The following FHAD1 variants were observed in gnomAD, a reference collection of about 807,000 sequenced individuals.
FHAD1 encodes the protein forkhead-associated domain-containing protein 1.
FHAD1 carries 146 observed loss-of-function variants against 191.3 expected under a neutral mutation model. That is an observed-to-expected ratio of 0.76 (90% CI 0.67 to 0.88). The LOEUF (loss-of-function observed/expected upper bound fraction) is 0.88. FHAD1 is among the 40% of genes least tolerant of loss of function. The pLI is 0.00. For missense variants in FHAD1, 1,635 were observed against 1,785.8 expected, an observed-to-expected ratio of 0.92 and a Z score of 1.52; for synonymous variants, 616 against 672.3, an observed-to-expected ratio of 0.92 and a Z score of 1.29.
At chr1:15,301,581 G>A (rs987035724) in intron 6 of FHAD1, 140 bp downstream of exon 6, 2 of 683,812 alleles carry the variant, frequency 2.9e-6, no homozygotes, top group Non-Finnish European at 5.0e-6. Flanking sequence ...AAATCCACAA[G>A]ACTGGGAGAT....
At chr1:15,261,990 C>T (rs1164107857) in intron 2 of FHAD1, among the ~76,000 whole-genome samples, 2 of 152,158 alleles carry the variant, frequency 1.3e-5, no homozygotes, top group Non-Finnish European at 1.5e-5. Context: ...GCCTGGGCAA[C>T]ATAGCAAGCC....
chr1:15,324,306 C>T (rs553675348), intron 10 of FHAD1, 146 bp from the exon 11 acceptor site: 56 of 670,920 alleles, frequency 8.3e-5, no homozygotes, highest in African/African-American at 7.8e-4. Flanking sequence ...CTCCACCCCG[C>T]GCACGCCTGT....
chr1:15,333,531 A>G (rs1682619595), intron 14 of FHAD1, among the ~76,000 whole-genome samples: 1 of 152,160 alleles, frequency 6.6e-6, no homozygotes, highest in African/African-American at 2.4e-5. Context: ...CTCATTTTAG[A>G]AATGAGGAAA....
At chr1:15,346,827 C>T (rs1457602051) in intron 18 of FHAD1, among the ~76,000 whole-genome samples, 3 of 152,212 alleles carry the variant, frequency 2.0e-5, no homozygotes, top group Non-Finnish European at 4.4e-5. Flanking sequence ...GCAGACCTAC[C>T]GCTGCCTCCC....
In FHAD1 at chr1:15,388,397, G is replaced by A. The variant is rs72879954; in HGVS notation, c.4269+266G>A. The A allele has an allele frequency of 5.1e-3, 5,214 of 1,015,660 alleles. 219 individuals carry two copies. The African/African-American group carries it at 0.14, about 26-fold the overall frequency. 62.9% of individuals were successfully genotyped at this position (1,015,660 alleles called of 1,614,324 possible). ...AACGGATGACCTAAGAGACAAGCAC[G>A]CGTCCAGCCCCGTCTGTCCATTAAG... On this transcript the variant is annotated intron_variant, in intron 32 of 33. Transcript: ENST00000688493.
At position 15,291,109 on chromosome 1, in the gene FHAD1, C is replaced by CTT. The variant is rs61398861; in HGVS notation, c.568+1460_568+1461dup. Among the ~76,000 whole-genome samples, 720 of 134,322 alleles carry CTT rather than the reference C, an allele frequency of 5.4e-3. 8 individuals are homozygous for CTT. Among genetic ancestry groups the CTT allele is most frequent in the African/African-American group, 0.019 (669 of 35,022 alleles). The allele number at this position is 134,322 out of a possible 152,430, so 88.1% of individuals were successfully genotyped here. On this transcript the variant is annotated intron_variant, in intron 4 of 33. Transcript: ENST00000688493. ...TCTACCATTAACATTTTACTATACT[C>CTT]TTTTTTTTTTTTTTTTTTCTTGAGA...
chr1:15,362,783 GGGCAAACA>G, intron 23 of FHAD1, 57 bp downstream of exon 23: 1 of 1,376,986 alleles, frequency 7.3e-7, no homozygotes, highest in East Asian at 2.5e-5. Context: ...ACCTGGGTGG[GGGCAAACA>G]GGCAACCAGC....
At chr1:15,359,980 G>A (rs1407220380) in intron 21 of FHAD1, among the ~76,000 whole-genome samples, 1 of 151,952 alleles carries the variant, frequency 6.6e-6, no homozygotes, top group African/African-American at 2.4e-5. Flanking sequence ...GAGTGTGTTG[G>A]CGCACACCTG....
intron 31 of FHAD1, among the ~76,000 whole-genome samples, chr1:15,386,900 T>C (rs1702258415): frequency 6.6e-6 from 1 of 151,750 alleles, no homozygotes; most frequent in Non-Finnish European, 1.5e-5. Context: ...TTTCGCTCTG[T>C]TGCCCAGGCT....
chr1:15,352,434 C>T (rs1691216848), intron 19 of FHAD1, among the ~76,000 whole-genome samples: 1 of 152,138 alleles, frequency 6.6e-6, no homozygotes, highest in African/African-American at 2.4e-5. Context: ...CCTGGGTCCT[C>T]ATTTGGAGCC....
chr1:15,243,971 T>C (rs1449687418), upstream of FHAD1, among the ~76,000 whole-genome samples: 1 of 152,174 alleles, frequency 6.6e-6, no homozygotes, highest in Admixed American at 6.5e-5. Flanking sequence ...TCCTACAATA[T>C]GGGCTTCGTC....
At chr1:15,356,385 T>C (rs1282416164) in intron 20 of FHAD1, among the ~76,000 whole-genome samples, 1 of 152,176 alleles carries the variant, frequency 6.6e-6, no homozygotes, top group Admixed American at 6.5e-5. Flanking sequence ...GCTTGCTACA[T>C]TCCTGGGAAA....
rs953330764 is a variant in FHAD1 at position 15,397,262 on chromosome 1, T to C, written c.4324-35T>C. 9.8e-6 allele frequency: 10 copies of C among 1,023,262 alleles called. No homozygotes were observed. In the Admixed American group the frequency reaches 1.2e-4, roughly 13 times the overall value. The allele number at this position is 1,023,262 out of a possible 1,614,324, so 63.4% of individuals were successfully genotyped here. ...TGGAACAATTGGAGTCTTGCTGCAA[T>C]GGAGTTTGTGTGTTTTTTCTCTTGC... On this transcript the variant is annotated intron_variant, in intron 33 of 33. Coordinates refer to ENST00000688493, the MANE Select transcript of FHAD1 (RefSeq NM_001391957.1).
intron 11 of FHAD1, 107 bp downstream of exon 11, chr1:15,324,666 G>A (rs1182003865): frequency 9.2e-6 from 7 of 764,562 alleles, no homozygotes; most frequent in East Asian, 2.7e-5. Context: ...AAAGACAGAC[G>A]TGCGTTAATT....
chr1:15,397,504 G>GT lies in FHAD1; in HGVS notation c.*92dup. The GT allele has an allele frequency of 1.7e-6, 1 of 574,706 alleles. No homozygotes were observed. The highest frequency in any genetic ancestry group is 2.9e-6 in the Non-Finnish European group (1 of 340,904). 35.6% of individuals were successfully genotyped at this position (574,706 alleles called of 1,614,324 possible). On this transcript the variant is annotated 3_prime_UTR_variant, in exon 34 of 34. Transcript: ENST00000688493. ...TGTGTCAAAATACTGAGTTGCTTTT[G>GT]TAAGTCTTTAAAGATTGTTACCCTA...
At chr1:15,252,380 G>A (rs547609190) in intron 2 of FHAD1, among the ~76,000 whole-genome samples, 3 of 152,324 alleles carry the variant, frequency 2.0e-5, no homozygotes, top group Admixed American at 2.0e-4. Context: ...GCTGGTTTAT[G>A]CAGGGAAGGG....
intron 33 of FHAD1, among the ~76,000 whole-genome samples, chr1:15,395,027 G>A (rs1705446480): frequency 6.6e-6 from 1 of 152,106 alleles, no homozygotes; most frequent in Non-Finnish European, 1.5e-5. Context: ...AAAACCTATG[G>A]GAAAGGCTGG....
At position 15,352,907 on chromosome 1, in the gene FHAD1, C is replaced by G. The variant is rs144834032; in HGVS notation, c.2485C>G (p.Arg829Gly). ...ISESNIAYEK[R>G]KAKEAMEKEK... is the part of the protein sequence containing the mutation. Reference sequence around the variant, plus strand: ...AGAGAGCAACATTGCGTACGAGAAACGCAAAGCAAAGGAGGCCATGGAGAA... The same window carrying G: ...AGAGAGCAACATTGCGTACGAGAAAGGCAAAGCAAAGGAGGCCATGGAGAA... Residue 829 changes from arginine to glycine, a missense_variant, in exon 20 of 34, where the codon CGC (arginine) becomes GGC (glycine). Physicochemically the swap from Arg to Gly is moderately radical, Grantham distance 125. Transcript: ENST00000688493. 5 of 1,551,210 alleles carry G rather than the reference C, an allele frequency of 3.2e-6. No homozygotes were observed. The highest frequency in any genetic ancestry group is 3.5e-6 in the Non-Finnish European group (4 of 1,146,934).
At chr1:15,239,595 AAACAAAAAGAAC>A (rs375483149) in intron 1 of FHAD1, among the ~76,000 whole-genome samples, 232 of 152,268 alleles carry the variant, frequency 1.5e-3, no homozygotes, top group Non-Finnish European at 3.0e-3. Flanking sequence ...CTCAAAAGAA[AAACAAAAAGAAC>A]AACAAAGAAC....
Sources: gnomAD v4.1 joint callset for allele counts (sites outside exome capture counted in the v4.1 genomes callset) on GRCh38, gnomAD v4.1.1 for gene constraint, MANE v1.5 for transcripts, NCBI Gene and HGNC (gene_info 2026-07-23, HGNC 2026-07-21) for gene names.